CEP152: variants seen among roughly 807,000 people sequenced by gnomAD.
The protein encoded by CEP152 is centrosomal protein 152.
In CEP152, 132 loss-of-function variants were observed where a neutral mutation model predicts 188.9. The observed-to-expected ratio is 0.70, with a 90% CI of 0.61 to 0.81. CEP152 has a LOEUF of 0.81. CEP152 is among the 30% of genes least tolerant of loss of function. CEP152 has a pLI of 0.00. For missense variants in CEP152, 1,914 were observed against 1,969.8 expected (o/e 0.97, Z 0.54); for synonymous variants, 649 against 666.6 (o/e 0.97, Z 0.41).
intron 2 of CEP152, among the ~76,000 whole-genome samples, chr15:48,804,908 G>C (rs965528677): frequency 1.3e-5 from 2 of 152,174 alleles, no homozygotes; most frequent in Admixed American, 1.3e-4. Context: ...CGCTCCACAT[G>C]ATCTGTGGCA....
intron 19 of CEP152, among the ~76,000 whole-genome samples, chr15:48,757,348 C>T (rs1013870320): frequency 6.6e-6 from 1 of 152,206 alleles, no homozygotes; most frequent in Non-Finnish European, 1.5e-5. Context: ...AATTTGATAG[C>T]ATCCTTTAGG....
intron 3 of CEP152, 104 bp from the exon 4 acceptor site, chr15:48,797,834 CA>C: frequency 1.3e-6 from 2 of 1,513,478 alleles, no homozygotes; most frequent in Non-Finnish European, 1.8e-6. Flanking sequence ...AATCTTCACC[CA>C]AAATTTTAAG....
At chr15:48,762,294 T>TATA in intron 18 of CEP152, 97 bp downstream of exon 18, 1 of 1,179,272 alleles carries the variant, frequency 8.5e-7, no homozygotes, top group Non-Finnish European at 1.3e-6. Context: ...ATCTTAAAAG[T>TATA]ATAAAGTTAT....
Position 48,768,271 on chromosome 15 carries a change from T to G in CEP152, c.1966A>C (p.Met656Leu), listed in dbSNP as rs1277357746. 1 of 1,612,722 alleles carries G rather than the reference T, an allele frequency of 6.2e-7. No individual in the cohort carries two copies. The highest frequency in any genetic ancestry group is 8.5e-7 in the Non-Finnish European group (1 of 1,178,684). Residue 656 changes from methionine (M) to leucine (L), a missense_variant, in exon 15 of 27, where the codon ATG (methionine) becomes CTG (leucine). Met to Leu is a conservative substitution (Grantham distance 15). Coordinates refer to ENST00000380950, the MANE Select transcript of CEP152 (RefSeq NM_001194998.2). ...TCAAAATCTTGTACCATTTGTCTCA[T>G]TTGATTACATAAGTCTTGATTTGTA... ...RNTNQDLCNQ[M>L]RQMVQDFDHD...
intron 23 of CEP152, among the ~76,000 whole-genome samples, chr15:48,744,598 TA>T (rs1893271812): frequency 1.3e-5 from 2 of 152,134 alleles, no homozygotes; most frequent in Admixed American, 1.3e-4. Flanking sequence ...TGTAGGAGAA[TA>T]TCTAATAACA....
chr15:48,748,350 T>C, intron 22 of CEP152, 93 bp downstream of exon 22: 1 of 1,334,324 alleles, frequency 7.5e-7, no homozygotes, highest in Non-Finnish European at 9.6e-7. Flanking sequence ...CAAAAGAGGA[T>C]CAGTGCACAC....
At position 48,772,682 on chromosome 15, in the gene CEP152, T is replaced by G; in HGVS notation, c.1587A>C (p.Gln529His). The G allele has an allele frequency of 6.2e-7, 1 of 1,613,688 alleles. No homozygotes were observed. Among genetic ancestry groups the G allele is most frequent in the Non-Finnish European group, 8.5e-7 (1 of 1,179,664 alleles). Residue 529 changes from glutamine to histidine, a missense_variant, in exon 13 of 27, where the codon CAA becomes CAC. Coordinates refer to ENST00000380950, the MANE Select transcript of CEP152 (RefSeq NM_001194998.2). ...AAAGCTCTTCATTTGGGTCTTCTTC[T>G]TGTACAATGCTAATGGAGAAATTGT... ...WKKSKVTSIV[Q>H]EEDPNEELSK... is the part of the protein sequence containing the mutation.
intron 12 of CEP152, among the ~76,000 whole-genome samples, chr15:48,779,656 A>G (rs1235066040): frequency 6.6e-6 from 1 of 152,216 alleles, no homozygotes; most frequent in African/African-American, 2.4e-5. Context: ...AATTTGCCCA[A>G]GCTCACAAAG....
At chr15:48,748,644 C>G (rs1893646360) in intron 21 of CEP152, 34 bp from the exon 22 acceptor site, 1 of 1,340,994 alleles carries the variant, frequency 7.5e-7, no homozygotes, top group Non-Finnish European at 9.5e-7. Context: ...ACTTTTATAT[C>G]AGTTTAGACC....
In CEP152 at chr15:48,737,978, C is replaced by A; in HGVS notation, c.*271G>T. 2.8e-6 allele frequency: 1 copy of A among 363,588 alleles called. No individual in the cohort carries two copies. The highest frequency in any genetic ancestry group is 5.0e-6 in the Non-Finnish European group (1 of 201,294). The allele number at this position is 363,588 out of a possible 1,614,324, so 22.5% of individuals were successfully genotyped here. On this transcript the variant is annotated 3_prime_UTR_variant, in exon 27 of 27. Transcript: ENST00000380950. The stretch of plus-strand genomic sequence containing the variant: ...AGTTTATTTAAATAAGTTAACACTG[C>A]AGAGTGAGTCAATTTATAAGTATAA...
intron 11 of CEP152, 57 bp downstream of exon 11, chr15:48,782,082 T>C (rs1896288753): frequency 6.8e-7 from 1 of 1,471,084 alleles, no homozygotes; most frequent in Admixed American, 1.7e-5. Flanking sequence ...AAAAAGGTGA[T>C]GTAACTACTG....
chr15:48,779,374 A>G (rs1426325088), intron 12 of CEP152, among the ~76,000 whole-genome samples: 1 of 152,190 alleles, frequency 6.6e-6, no homozygotes, highest in Non-Finnish European at 1.5e-5. Context: ...ATTGGATTTG[A>G]TATTTTTCAC....
Position 48,791,287 on chromosome 15 carries a change from T to C in CEP152, c.922A>G (p.Ile308Val). Residue 308 changes from isoleucine to valine, a missense_variant, in exon 8 of 27, where the codon ATA becomes GTA. Ile to Val is a conservative substitution (Grantham distance 29). Transcript: ENST00000380950. ...TGTATCTGAGTCTCCAGTGCTTTTA[T>C]TTGAGCTTCAAGCTGTATCTCTCTT... ...KEREIQLEAQ[I>V]KALETQIQAL... The C allele has an allele frequency of 6.2e-7, 1 of 1,613,158 alleles. No homozygotes were observed. The highest frequency in any genetic ancestry group is 8.5e-7 in the Non-Finnish European group (1 of 1,179,824).
intron 5 of CEP152, 37 bp downstream of exon 5, chr15:48,797,264 C>T (rs1393993995): frequency 1.9e-6 from 3 of 1,607,058 alleles, no homozygotes; most frequent in Non-Finnish European, 2.6e-6. Context: ...TGCGTGTGCA[C>T]ACACACAAGT....
rs1407436518 is a variant in CEP152 at position 48,767,166 on chromosome 15, T to C, written c.2174A>G (p.Glu725Gly). Reference protein sequence around the residue: ...LRSELDKLNKEVTAVQECYLE... With the variant: ...LRSELDKLNKGVTAVQECYLE... ...GTAACATTCCTGCACAGCAGTCACC[T>C]CCTTATTCAACTTATCCAACTCAGA... is the stretch of plus-strand genomic sequence containing the variant. Residue 725 changes from glutamate (E) to glycine (G), a missense_variant, in exon 17 of 27, where the codon GAG (glutamate) becomes GGG (glycine). Glu to Gly is a moderately conservative substitution (Grantham distance 98). Transcript: ENST00000380950. The C allele has an allele frequency of 6.2e-7, 1 of 1,613,856 alleles. No homozygotes were observed. The highest frequency in any genetic ancestry group is 8.5e-7 in the Non-Finnish European group (1 of 1,180,026).
At chr15:48,798,827 G>A (rs760836769) in intron 2 of CEP152, among the ~76,000 whole-genome samples, 27 of 152,098 alleles carry the variant, frequency 1.8e-4, no homozygotes, top group Non-Finnish European at 3.2e-4. Flanking sequence ...GTGATAAAAA[G>A]ATGAGTAAAT....
chr15:48,746,824 C>G (rs1893467538), intron 22 of CEP152, among the ~76,000 whole-genome samples: 1 of 152,070 alleles, frequency 6.6e-6, no homozygotes, highest in Non-Finnish European at 1.5e-5. Context: ...GAGTGTATAA[C>G]AGGAGGACTA....
At chr15:48,732,634 T>C (rs976650651) in intron 2 of CEP152, among the ~76,000 whole-genome samples, 124 of 144,110 alleles carry the variant, frequency 8.6e-4, no homozygotes, top group African/African-American at 3.2e-3. Context: ...AGGTAACAAA[T>C]CTGCATGTTC....
chr15:48,768,549 T>G (rs1230587587), intron 14 of CEP152, among the ~76,000 whole-genome samples: 1 of 152,230 alleles, frequency 6.6e-6, no homozygotes, highest in Non-Finnish European at 1.5e-5. Flanking sequence ...GACTAAACGT[T>G]TAAATTTTGT....
Sources: gnomAD v4.1 joint callset for allele counts (sites outside exome capture counted in the v4.1 genomes callset) on GRCh38, gnomAD v4.1.1 for gene constraint, MANE v1.5 for transcripts, NCBI Gene and HGNC (gene_info 2026-07-23, HGNC 2026-07-21) for gene names.